Variants in SCFD2 observed in about 807,000 individuals in gnomAD.
The protein encoded by SCFD2 is sec1 family domain-containing protein 2.
In SCFD2, 54 loss-of-function variants were observed where a neutral mutation model predicts 58.9. That is an observed-to-expected ratio of 0.92 (90% confidence interval 0.74 to 1.15). The LOEUF (loss-of-function observed/expected upper bound fraction) is 1.15, where lower values mean the gene tolerates loss of function less well. Ranked by LOEUF, SCFD2 falls within the 50% of genes most tolerant of loss-of-function variation. SCFD2 has a pLI of 0.00. For missense variants in SCFD2, 805 were observed against 836.6 expected, an observed-to-expected ratio of 0.96 and a Z score of 0.47; for synonymous variants, 321 against 335.9, an observed-to-expected ratio of 0.96 and a Z score of 0.49.
chr4:53,237,625 CGGCTGGCCGGGCGGGGGGCTG>C (rs1729683406), intron 4 of SCFD2, among the ~76,000 whole-genome samples: 1 of 112,558 alleles, frequency 8.9e-6, no homozygotes, highest in African/African-American at 3.5e-5. Flanking sequence ...CCGGACGGGG[CGGCTGGCCGGGCGGGGGGCTG>C]ACCCCCCCAC....
intron 5 of SCFD2, among the ~76,000 whole-genome samples, chr4:52,994,904 C>G (rs764188709): frequency 8.6e-5 from 13 of 151,922 alleles, no homozygotes; most frequent in Non-Finnish European, 1.8e-4. Context: ...ATGATAGCAA[C>G]CAACATCTGT....
intron 5 of SCFD2, among the ~76,000 whole-genome samples, chr4:53,049,945 A>G (rs1408496721): frequency 6.6e-6 from 1 of 152,036 alleles, no homozygotes; most frequent in Non-Finnish European, 1.5e-5. Context: ...GCATGTATTC[A>G]TTCATAGATT....
intron 4 of SCFD2, among the ~76,000 whole-genome samples, chr4:53,236,194 G>C (rs868755897): frequency 6.6e-6 from 1 of 152,264 alleles, no homozygotes; most frequent in Middle Eastern, 3.4e-3. Context: ...ATTAAAAATA[G>C]AGACGGGCCT....
rs1348901404 is a variant in SCFD2 at position 53,178,813 on chromosome 4, T to C, written c.1312-33231A>G. On this transcript the variant is annotated intron_variant, in intron 4 of 8. Coordinates refer to ENST00000401642, the MANE Select transcript of SCFD2 (RefSeq NM_152540.4). The stretch of plus-strand genomic sequence containing the variant: ...GCAGAGAAGTCCTTAAAGGACCTGA[T>C]GGAGCTGAAAACCAAGGCACGAGAG... 4.6e-5 allele frequency among the ~76,000 whole-genome samples: 7 copies of C among 152,126 alleles called. No individual in the cohort carries two copies. In the South Asian group the frequency reaches 1.2e-3, roughly 27 times the overall value.
Position 53,365,208 on chromosome 4 carries a change from A to C in SCFD2, c.734T>G (p.Val245Gly), listed in dbSNP as rs1443014456. The C allele has an allele frequency of 6.2e-7, 1 of 1,614,154 alleles. No individual in the cohort carries two copies. Among genetic ancestry groups the C allele is most frequent in the Non-Finnish European group, 8.5e-7 (1 of 1,180,028 alleles). The change falls in exon 1 of 9, where the codon GTC (valine) becomes GGC (glycine). Residue 245 changes from valine (V) to glycine (G), a missense_variant. Physicochemically the swap from Val to Gly is moderately radical, Grantham distance 109 (BLOSUM62 -3). Coordinates refer to ENST00000401642, the MANE Select transcript of SCFD2 (RefSeq NM_152540.4). The surrounding 1 kb of genome is among the most constrained non-coding windows in gnomAD (Gnocchi z 4.3). Reference sequence around the variant, plus strand: ...ATAATTGGCCAGATCCGCAGCGATGACCTGACTTAAGGAACCTACAGCAAA... The same window carrying C: ...ATAATTGGCCAGATCCGCAGCGATGCCCTGACTTAAGGAACCTACAGCAAA... ...ECFAVGSLSQ[V>G]IAADLANYAP...
intron 5 of SCFD2, among the ~76,000 whole-genome samples, chr4:52,941,558 C>G (rs1271748244): frequency 6.6e-6 from 1 of 152,062 alleles, no homozygotes; most frequent in Non-Finnish European, 1.5e-5. Context: ...TTAAACCTAA[C>G]TGTCTTCATC....
rs565620316 is a variant in SCFD2, at chr4:53,164,935, G to T, written c.1312-19353C>A. Among the ~76,000 whole-genome samples the T allele has an allele frequency of 2.6e-5, 4 of 152,186 alleles. No homozygotes were observed. The East Asian group carries it at 7.7e-4, about 29-fold the overall frequency. ...CCTCACCAGCTTCTCCCTTACAAAC[G>T]ATTCTAAGTAGCAACAATGCTATAA... On this transcript the variant is annotated intron_variant, in intron 4 of 8. Coordinates refer to ENST00000401642, the MANE Select transcript of SCFD2 (RefSeq NM_152540.4).
chr4:53,195,822 T>A (rs12507517), intron 4 of SCFD2, among the ~76,000 whole-genome samples: 4 of 152,030 alleles, frequency 2.6e-5, no homozygotes, highest in Admixed American at 2.0e-4. Context: ...TCTATGGCAA[T>A]TTCCAAGATA....
intron 5 of SCFD2, among the ~76,000 whole-genome samples, chr4:52,943,977 G>C: frequency 6.6e-6 from 1 of 152,124 alleles, no homozygotes; most frequent in South Asian, 2.1e-4. Context: ...AACTACAAGA[G>C]CTCCAGGATG....
intron 2 of SCFD2, among the ~76,000 whole-genome samples, chr4:53,337,248 T>C (rs1325851448): frequency 6.6e-6 from 1 of 152,222 alleles, no homozygotes; most frequent in African/African-American, 2.4e-5. Flanking sequence ...ATGTGTATGG[T>C]GTCTCTGTGT....
At chr4:53,014,394 T>A (rs1722164028) in intron 5 of SCFD2, among the ~76,000 whole-genome samples, 1 of 152,234 alleles carries the variant, frequency 6.6e-6, no homozygotes, top group Admixed American at 6.5e-5. Context: ...ATCCATGTGT[T>A]CCTTACTTGC....
At chr4:52,931,341 C>A (rs1264874183) in intron 5 of SCFD2, among the ~76,000 whole-genome samples, 1 of 152,228 alleles carries the variant, frequency 6.6e-6, no homozygotes, top group South Asian at 2.1e-4. Context: ...GGTGGTAGAG[C>A]CTGGGGAGCT....
chr4:52,991,220 C>A (rs1010389282), intron 5 of SCFD2, among the ~76,000 whole-genome samples: 4 of 152,134 alleles, frequency 2.6e-5, no homozygotes, highest in Admixed American at 2.6e-4. Flanking sequence ...TTGACATGCA[C>A]TAAATATGAT....
intron 2 of SCFD2, among the ~76,000 whole-genome samples, chr4:53,322,479 A>G (rs540586339): frequency 1.3e-5 from 2 of 152,330 alleles, no homozygotes; most frequent in Admixed American, 6.5e-5. Flanking sequence ...CTGTTTAACC[A>G]TCACATAAAA....
intron 5 of SCFD2, among the ~76,000 whole-genome samples, chr4:53,138,915 T>C (rs1447697262): frequency 3.5e-5 from 5 of 144,780 alleles, no homozygotes; most frequent in African/African-American, 7.6e-5. Flanking sequence ...CTCCCTCTGA[T>C]GCCCAGCCGA....
chr4:53,142,268 G>A (rs1398864607), intron 5 of SCFD2, among the ~76,000 whole-genome samples: 1 of 152,150 alleles, frequency 6.6e-6, no homozygotes. Context: ...ATCAACACTT[G>A]GAGCTGGTGT....
In SCFD2 at chr4:53,365,659, G is replaced by A; in HGVS notation, c.283C>T (p.Arg95Cys). 6.2e-7 allele frequency: 1 copy of A among 1,614,210 alleles called. No homozygotes were observed. The highest frequency in any genetic ancestry group is 1.3e-5 in the African/African-American group (1 of 75,054). Residue 95 changes from arginine (R) to cysteine (C), a missense_variant, in exon 1 of 9, where the codon CGC (arginine) becomes TGC (cysteine). Coordinates refer to ENST00000401642, the MANE Select transcript of SCFD2 (RefSeq NM_152540.4). This position sits in a 1 kb window ranked among gnomAD's most constrained non-coding sequence, Gnocchi z 4.3. ...ACCACACAATACTGGAAGTGACTGCGGCAGATGATGTCCCGTAGGATCTCC... is the reference window on the plus strand; with the variant it reads ...ACCACACAATACTGGAAGTGACTGCAGCAGATGATGTCCCGTAGGATCTCC... Reference protein sequence around the residue: ...TVEILRDIICRSHFQYCVVVT... With the variant: ...TVEILRDIICCSHFQYCVVVT...
chr4:53,105,195 C>A (rs1277553751), intron 5 of SCFD2, among the ~76,000 whole-genome samples: 1 of 152,098 alleles, frequency 6.6e-6, no homozygotes, highest in East Asian at 1.9e-4. Flanking sequence ...AACCTGCAGA[C>A]CAGGAGATTC....
chr4:53,150,681 T>C (rs1019220045), intron 4 of SCFD2, among the ~76,000 whole-genome samples: 2 of 152,198 alleles, frequency 1.3e-5, no homozygotes, highest in Non-Finnish European at 2.9e-5. Flanking sequence ...GGGCAAATTA[T>C]TTACCTTCTC....
Sources: gnomAD v4.1 joint callset for allele counts (sites outside exome capture counted in the v4.1 genomes callset) on GRCh38, gnomAD v4.1.1 for gene constraint, Gnocchi (gnomAD v3.1) non-coding constraint, MANE v1.5 for transcripts, NCBI Gene and HGNC (gene_info 2026-07-23, HGNC 2026-07-21) for gene names.